Variants in KYAT3 observed in about 807,000 individuals in gnomAD.
The protein encoded by KYAT3 is kynurenine--oxoglutarate transaminase 3.
A neutral mutation model predicts 59.0 loss-of-function variants in KYAT3; 50 were observed. The observed-to-expected ratio is 0.85, with a 90% CI of 0.68 to 1.07. The LOEUF (loss-of-function observed/expected upper bound fraction) is 1.07, where lower values mean the gene tolerates loss of function less well. Ranked by LOEUF, KYAT3 falls within the 50% of genes least tolerant of loss-of-function variation. The probability of loss-of-function intolerance (pLI) is 0.00; values close to 1 mark genes in which losing one functional copy is unlikely to be tolerated. For missense variants in KYAT3, 497 were observed against 533.3 expected, an observed-to-expected ratio of 0.93 and a Z score of 0.67; for synonymous variants, 148 against 177.0, an observed-to-expected ratio of 0.84 and a Z score of 1.30.
At chr1:88,944,061 AATATAT>A (rs1210978346) in intron 11 of KYAT3, among the ~76,000 whole-genome samples, 3 of 152,144 alleles carry the variant, frequency 2.0e-5, no homozygotes, top group African/African-American at 7.2e-5. Context: ...GAAAAAGTCA[AATATAT>A]ACTCCTGTTT....
Position 88,953,925 on chromosome 1 carries a change from G to A in KYAT3, c.865-773C>T, listed in dbSNP as rs1217565847. Among the ~76,000 whole-genome samples, 24 of 147,706 alleles carry A rather than the reference G, an allele frequency of 1.6e-4. No homozygotes were observed. The East Asian group carries it at 3.9e-3, about 24-fold the overall frequency. On this transcript the variant is annotated intron_variant, in intron 9 of 13. Coordinates refer to ENST00000260508, the MANE Select transcript of KYAT3 (RefSeq NM_001008661.3). ...TTCTTCTTTTTTTTTTTTTTGAGAC[G>A]GAGTTTTGCTCTTGTTGCCCAGACT...
At chr1:88,935,107 C>T (rs1674986418), downstream of KYAT3, among the ~76,000 whole-genome samples, 1 of 150,412 alleles carries the variant, frequency 6.6e-6, no homozygotes. Context: ...AATTCTCCTG[C>T]CTCAGCCTCC....
At chr1:88,957,184 T>A (rs1234485213) in intron 8 of KYAT3, among the ~76,000 whole-genome samples, 3 of 152,220 alleles carry the variant, frequency 2.0e-5, no homozygotes, top group Non-Finnish European at 4.4e-5. Flanking sequence ...AGTTATAATT[T>A]TATTCTCTGT....
At chr1:88,965,117 T>G (rs1676296862) in intron 4 of KYAT3, 139 bp from the exon 5 acceptor site, 3 of 623,828 alleles carry the variant, frequency 4.8e-6, no homozygotes, top group African/African-American at 1.9e-5. Context: ...TTATATTTTT[T>G]AATGGCAATA....
chr1:88,961,644 T>C, intron 6 of KYAT3, 138 bp from the exon 7 acceptor site: 1 of 719,232 alleles, frequency 1.4e-6, no homozygotes, highest in Non-Finnish European at 2.2e-6. Flanking sequence ...ACAAATGCTT[T>C]CCTGCAGTAG....
At chr1:88,962,508 T>C (rs189267060) in intron 5 of KYAT3, among the ~76,000 whole-genome samples, 1 of 152,248 alleles carries the variant, frequency 6.6e-6, no homozygotes, top group East Asian at 1.9e-4. Context: ...ATATTTCAAA[T>C]CAGAAAATAA....
chr1:88,942,884 C>T lies in KYAT3; in HGVS notation c.1302+121G>A, dbSNP rs371283861. 1.0e-3 allele frequency: 806 copies of T among 770,780 alleles called. 2 individuals are homozygous for T. The highest frequency in any genetic ancestry group is 3.3e-3 in the Middle Eastern group (9 of 2,690). 47.7% of individuals were successfully genotyped at this position (770,780 alleles called of 1,614,324 possible). On this transcript the variant is annotated intron_variant, in intron 13 of 13. Coordinates refer to ENST00000260508, the MANE Select transcript of KYAT3 (RefSeq NM_001008661.3). ...GCCAGTAAGCAGTTAATTTTAAAGC[C>T]GTAAGCCAAAATTTAAAAACTGCAT...
At chr1:88,969,081 T>G (rs1408626380) in intron 3 of KYAT3, among the ~76,000 whole-genome samples, 2 of 152,208 alleles carry the variant, frequency 1.3e-5, no homozygotes, top group Non-Finnish European at 2.9e-5. Flanking sequence ...TTCTCAACAA[T>G]TCCAGCTGCT....
chr1:88,978,154 T>C (rs1676885545), intron 2 of KYAT3, among the ~76,000 whole-genome samples: 2 of 152,208 alleles, frequency 1.3e-5, no homozygotes, highest in Non-Finnish European at 2.9e-5. Flanking sequence ...ACCATCACAG[T>C]GATGACATTT....
intron 13 of KYAT3, among the ~76,000 whole-genome samples, chr1:88,940,812 T>C (rs1236370096): frequency 2.0e-5 from 3 of 152,194 alleles, no homozygotes; most frequent in Non-Finnish European, 2.9e-5. Context: ...GTTTCCTCCA[T>C]CATGCCAAAC....
intron 10 of KYAT3, among the ~76,000 whole-genome samples, chr1:88,950,691 A>T (rs777779809): frequency 1.3e-5 from 2 of 152,162 alleles, no homozygotes; most frequent in Non-Finnish European, 2.9e-5. Flanking sequence ...TTCAGAGTCC[A>T]ATCACTTTTT....
intron 2 of KYAT3, among the ~76,000 whole-genome samples, chr1:88,985,436 G>A (rs1677397007): frequency 6.6e-6 from 1 of 152,248 alleles, no homozygotes; most frequent in Non-Finnish European, 1.5e-5. Context: ...AGATTGGTAA[G>A]TTTGAATCTG....
chr1:88,933,633 G>A (rs1674955896), downstream of KYAT3, among the ~76,000 whole-genome samples: 2 of 152,182 alleles, frequency 1.3e-5, no homozygotes, highest in Admixed American at 1.3e-4. Flanking sequence ...AGAGATTGAA[G>A]GTCCAAGAGC....
intron 8 of KYAT3, among the ~76,000 whole-genome samples, chr1:88,958,418 T>TAAAA (rs34576826): frequency 1.4e-5 from 2 of 138,972 alleles, no homozygotes; most frequent in Non-Finnish European, 1.6e-5. Context: ...CTCATCTTTG[T>TAAAA]AAAAAAAAAA....
intron 2 of KYAT3, among the ~76,000 whole-genome samples, chr1:88,985,742 A>G (rs1284258829): frequency 6.6e-6 from 1 of 152,204 alleles, no homozygotes; most frequent in African/African-American, 2.4e-5. Flanking sequence ...ATGGCATACA[A>G]TATATATACT....
At chr1:88,931,384 A>G (rs928601685), downstream of KYAT3, among the ~76,000 whole-genome samples, 2 of 152,194 alleles carry the variant, frequency 1.3e-5, no homozygotes, top group Non-Finnish European at 2.9e-5. Flanking sequence ...TCCATGACTA[A>G]GATCTACTGC....
At chr1:88,972,093 G>A (rs1275270945) in intron 2 of KYAT3, among the ~76,000 whole-genome samples, 1 of 152,180 alleles carries the variant, frequency 6.6e-6, no homozygotes, top group African/African-American at 2.4e-5. Context: ...TTAAGGAACT[G>A]GCTTATGTGT....
At chr1:88,925,144 C>T in the KYAT3 span, among the ~76,000 whole-genome samples, 2 of 152,182 alleles carry the variant, frequency 1.3e-5, no homozygotes, top group African/African-American at 2.4e-5. Flanking sequence ...ACCTGTCGTC[C>T]GGTTCGTCTG....
Position 88,968,821 on chromosome 1 carries a change from T to C in KYAT3, c.159-7A>G, listed in dbSNP as rs554722626. On this transcript the variant is annotated splice_region_variant and splice_polypyrimidine_tract_variant and intron_variant, in intron 3 of 13. Coordinates refer to ENST00000260508, the MANE Select transcript of KYAT3 (RefSeq NM_001008661.3). The stretch of plus-strand genomic sequence containing the variant: ...CAATTTGGTAAATTCAATCCTAAGA[T>C]TGAAAAAAATACTAATATTAATAAG... The C allele has an allele frequency of 1.9e-5, 30 of 1,566,588 alleles. No individual in the cohort carries two copies. The highest frequency in any genetic ancestry group is 4.6e-5 in the East Asian group (2 of 43,528).
Sources: gnomAD v4.1 joint callset for allele counts (sites outside exome capture counted in the v4.1 genomes callset) on GRCh38, gnomAD v4.1.1 for gene constraint, MANE v1.5 for transcripts, NCBI Gene and HGNC (gene_info 2026-07-23, HGNC 2026-07-21) for gene names.